Variants in ACTR3C observed in about 807,000 individuals in gnomAD.
The protein encoded by ACTR3C is actin-related protein 3C.
In ACTR3C, 18 loss-of-function variants were observed where a neutral mutation model predicts 26.3. The observed-to-expected ratio is 0.68, with a 90% CI of 0.47 to 1.01. The LOEUF is 1.01. Ranked by LOEUF, ACTR3C falls within the 50% of genes least tolerant of loss-of-function variation. The pLI is 0.00. For missense variants in ACTR3C, 184 were observed against 250.7 expected (o/e 0.73, Z 1.80); for synonymous variants, 55 against 94.5 (o/e 0.58, Z 2.42).
At chr7:150,224,941 A>C in the ACTR3C span, among the ~76,000 whole-genome samples, 11 of 151,528 alleles carry the variant, frequency 7.3e-5, no homozygotes, top group African/African-American at 2.7e-4. Context: ...TGCTCACATT[A>C]TGCCAGCTTT....
the ACTR3C span, among the ~76,000 whole-genome samples, chr7:150,045,468 G>A: frequency 6.6e-6 from 1 of 151,752 alleles, no homozygotes; most frequent in East Asian, 1.9e-4. Flanking sequence ...TATATGTGCA[G>A]ATAATGGGCA....
the ACTR3C span, among the ~76,000 whole-genome samples, chr7:149,979,448 G>A: frequency 0.46 from 69,693 of 151,952 alleles, 17,419 homozygotes; most frequent in South Asian, 0.57. Flanking sequence ...CCAAGGTACT[G>A]AGCACATCAA....
chr7:150,098,387 T>C, the ACTR3C span, among the ~76,000 whole-genome samples: 1 of 151,688 alleles, frequency 6.6e-6, no homozygotes, highest in Non-Finnish European at 1.5e-5. Flanking sequence ...CTTACTACAC[T>C]TCAGAGGAGG....
At chr7:149,991,912 T>C in the ACTR3C span, among the ~76,000 whole-genome samples, 1 of 151,264 alleles carries the variant, frequency 6.6e-6, no homozygotes, top group African/African-American at 2.4e-5. Context: ...TAATCTTACA[T>C]TGAATGTTTG....
the ACTR3C span, among the ~76,000 whole-genome samples, chr7:150,117,570 G>A: frequency 9.9e-5 from 15 of 152,246 alleles, no homozygotes; most frequent in Admixed American, 6.5e-5. Flanking sequence ...TGAAAGAAAG[G>A]CAGCAGCCCC....
chr7:149,910,465 G>T, the ACTR3C span, among the ~76,000 whole-genome samples: 2,831 of 152,124 alleles, frequency 0.019, 103 homozygotes, highest in African/African-American at 0.064. Flanking sequence ...ATATAAAAGG[G>T]GGGGTGGTGG....
chr7:150,036,927 G>T, the ACTR3C span, among the ~76,000 whole-genome samples: 2 of 108,448 alleles, frequency 1.8e-5, 1 homozygote, highest in African/African-American at 6.9e-5. Context: ...CCTCTGCGAT[G>T]GGGGTCCTAA....
At chr7:149,961,951 GCTCACAGGAAGTGTTCA>G in the ACTR3C span, among the ~76,000 whole-genome samples, 2,300 of 151,774 alleles carry the variant, frequency 0.015, 64 homozygotes, top group African/African-American at 0.049. Context: ...GGAAGTATGG[GCTCACAGGAAGTGTTCA>G]CTCACAGGAA....
chr7:149,908,310 C>T, the ACTR3C span, among the ~76,000 whole-genome samples: 860 of 152,300 alleles, frequency 5.6e-3, 12 homozygotes, highest in African/African-American at 0.02. Flanking sequence ...CTAAGACACT[C>T]GTTTCTGAAT....
chr7:149,997,759 T>C, the ACTR3C span, among the ~76,000 whole-genome samples: 1 of 150,050 alleles, frequency 6.7e-6, no homozygotes, highest in African/African-American at 2.4e-5. Flanking sequence ...CTAAAAATCA[T>C]AAATCTGTCC....
At chr7:149,897,270 G>A in the ACTR3C span, among the ~76,000 whole-genome samples, 1 of 152,084 alleles carries the variant, frequency 6.6e-6, no homozygotes, top group African/African-American at 2.4e-5. Context: ...TGGTTTTTCA[G>A]CTATTAAAAA....
intron 6 of ACTR3C, among the ~76,000 whole-genome samples, chr7:150,276,295 G>T (rs1834877015): frequency 1.3e-5 from 2 of 152,078 alleles, no homozygotes; most frequent in Non-Finnish European, 2.9e-5. Context: ...CCACCTATCA[G>T]CCATCCTCTG....
At chr7:150,290,639 C>A (rs1836175530) in intron 3 of ACTR3C, among the ~76,000 whole-genome samples, 1 of 152,196 alleles carries the variant, frequency 6.6e-6, no homozygotes, top group Non-Finnish European at 1.5e-5. Flanking sequence ...GTTGCAAGAA[C>A]AACTTACTGA....
chr7:149,929,146 G>C, the ACTR3C span, among the ~76,000 whole-genome samples: 3 of 152,138 alleles, frequency 2.0e-5, no homozygotes, highest in Admixed American at 2.0e-4. Flanking sequence ...ATCACCAATG[G>C]ACCAGGCACA....
chr7:150,163,983 T>C, the ACTR3C span, among the ~76,000 whole-genome samples: 1 of 152,210 alleles, frequency 6.6e-6, no homozygotes, highest in Admixed American at 6.5e-5. Flanking sequence ...GGTTGACACA[T>C]TAAGTTAACC....
At chr7:149,952,781 G>C in the ACTR3C span, among the ~76,000 whole-genome samples, 2 of 150,934 alleles carry the variant, frequency 1.3e-5, no homozygotes, top group Non-Finnish European at 2.9e-5. Flanking sequence ...CATCTATTAG[G>C]TTGGCAACAA....
the ACTR3C span, among the ~76,000 whole-genome samples, chr7:150,036,594 C>G: frequency 6.9e-6 from 1 of 144,210 alleles, no homozygotes; most frequent in African/African-American, 2.5e-5. Context: ...TTGGCTAATA[C>G]TGCAATGTTT....
At chr7:150,231,559 A>C in the ACTR3C span, among the ~76,000 whole-genome samples, 1 of 150,368 alleles carries the variant, frequency 6.7e-6, no homozygotes, top group African/African-American at 2.5e-5. Context: ...CATCTCGTAT[A>C]GCCTATAGAA....
the ACTR3C span, among the ~76,000 whole-genome samples, chr7:150,181,365 A>T: frequency 5.3e-5 from 8 of 150,856 alleles, 1 homozygote; most frequent in African/African-American, 2.0e-4. Context: ...GAAAAAAAAA[A>T]CAGTTTTAAA....
Sources: gnomAD v4.1 joint callset for allele counts (sites outside exome capture counted in the v4.1 genomes callset) on GRCh38, gnomAD v4.1.1 for gene constraint, MANE v1.5 for transcripts, NCBI Gene and HGNC (gene_info 2026-07-23, HGNC 2026-07-21) for gene names.